Variants in PCDHGA8 observed in about 807,000 individuals in gnomAD.
PCDHGA8 encodes protocadherin gamma-A8.
A neutral mutation model predicts 59.2 loss-of-function variants in PCDHGA8; 45 were observed. The ratio of observed to expected loss-of-function variants is 0.76; its 90% confidence interval spans 0.60 to 0.98. The LOEUF (loss-of-function observed/expected upper bound fraction) is 0.98. Ranked by LOEUF, PCDHGA8 falls within the 50% of genes least tolerant of loss-of-function variation. PCDHGA8 has a pLI of 0.00. For synonymous variants in PCDHGA8, 531 were observed against 519.0 expected (o/e 1.02, Z -0.32); for missense variants, 1,257 against 1,196.2 (o/e 1.05, Z -0.75).
chr5:141,487,921 A>G lies in PCDHGA8; in HGVS notation c.2425-6886A>G, dbSNP rs17097340. On this transcript the variant is annotated intron_variant, in intron 1 of 3. Coordinates refer to ENST00000398604, the MANE Select transcript of PCDHGA8 (RefSeq NM_032088.2). This position sits in a 1 kb window ranked among gnomAD's most constrained non-coding sequence, Gnocchi z 5.0. ...GGAATGTGGGAGCACAGGAGGCTAC[A>G]GTGCACAGGGTACAGTGCACCAGGC... 0.15 allele frequency: 93,556 copies of G among 639,124 alleles called. 7,160 individuals carry two copies. The highest frequency in any genetic ancestry group is 0.21 in the African/African-American group (11,270 of 54,532). 39.6% of individuals were successfully genotyped at this position (639,124 alleles called of 1,614,324 possible).
rs141959335 is a variant in PCDHGA8, at chr5:141,491,261, T to C, written c.2425-3546T>C. On this transcript the variant is annotated intron_variant, in intron 1 of 3. Transcript: ENST00000398604. This position sits in a 1 kb window ranked among gnomAD's most constrained non-coding sequence, Gnocchi z 6.9. Reference sequence around the variant, plus strand: ...CTGGAGGATGAGGACCCTGAGGAAATGCCCAAATCCAGTGACTTCCTCATA... The same window carrying C: ...CTGGAGGATGAGGACCCTGAGGAAACGCCCAAATCCAGTGACTTCCTCATA... 104 of 1,614,044 alleles carry C rather than the reference T, an allele frequency of 6.4e-5. No individual in the cohort carries two copies. Among genetic ancestry groups the C allele is most frequent in the Non-Finnish European group, 8.1e-5 (95 of 1,180,028 alleles).
Position 141,392,710 on chromosome 5 carries a change from C to T in PCDHGA8, c.-104C>T. The T allele has an allele frequency of 7.4e-7, 1 of 1,345,380 alleles. No individual in the cohort carries two copies. The highest frequency in any genetic ancestry group is 9.8e-7 in the Non-Finnish European group (1 of 1,021,022). The allele number at this position is 1,345,380 out of a possible 1,614,324, so 83.3% of individuals were successfully genotyped here. A position where few individuals can be genotyped will look rare whatever the true frequency, so the allele number is the denominator to read the frequency against. On this transcript the variant is annotated 5_prime_UTR_variant, in exon 1 of 4. Transcript: ENST00000398604. ...AACCCGACCCCTGTTTGGAGGCACT[C>T]CAGGTTTCCGGAGGATTGTCATCTC... is the stretch of plus-strand genomic sequence containing the variant.
At chr5:141,453,786 A>G (rs2098774297) in intron 1 of PCDHGA8, among the ~76,000 whole-genome samples, 1 of 152,252 alleles carries the variant, frequency 6.6e-6, no homozygotes, top group Non-Finnish European at 1.5e-5. Flanking sequence ...TTACCATGGT[A>G]TATTAACTTT....
intron 2 of PCDHGA8, among the ~76,000 whole-genome samples, chr5:141,504,268 T>A (rs539485141): frequency 2.2e-4 from 34 of 152,348 alleles, no homozygotes; most frequent in Admixed American, 1.3e-3. Context: ...AGTATTTTTT[T>A]AAATTATGAA....
chr5:141,490,906 G>A lies in PCDHGA8; in HGVS notation c.2425-3901G>A, dbSNP rs2099705910. 1 of 1,613,798 alleles carries A rather than the reference G, an allele frequency of 6.2e-7. No individual in the cohort carries two copies. Among genetic ancestry groups the A allele is most frequent in the Non-Finnish European group, 8.5e-7 (1 of 1,179,808 alleles). ...CACATCTCTGCATGTGTTTGTCCTA[G>A]ACGAGAATGATAATGCCCCAGCTGT... On this transcript the variant is annotated intron_variant, in intron 1 of 3. Coordinates refer to ENST00000398604, the MANE Select transcript of PCDHGA8 (RefSeq NM_032088.2). The surrounding 1 kb of genome is among the most constrained non-coding windows in gnomAD (Gnocchi z 5.4).
In PCDHGA8 at chr5:141,393,617, C is replaced by A. The variant is rs746699091; in HGVS notation, c.804C>A (p.Asp268Glu). 4 of 1,613,770 alleles carry A rather than the reference C, an allele frequency of 2.5e-6. No individual in the cohort carries two copies. The highest frequency in any genetic ancestry group is 2.7e-5 in the African/African-American group (2 of 74,934). ...GTRLLTVTAS[D>E]PDEGINGKVA... ...GGCTGCTTACTGTAACAGCCAGCGA[C>A]CCGGATGAGGGAATCAACGGAAAAG... The change falls in exon 1 of 4, where the codon GAC becomes GAA. Residue 268 changes from aspartate (D) to glutamate (E), a missense_variant. Physicochemically the swap from Asp to Glu is conservative, Grantham distance 45 (BLOSUM62 2). Coordinates refer to ENST00000398604, the MANE Select transcript of PCDHGA8 (RefSeq NM_032088.2).
intron 1 of PCDHGA8, among the ~76,000 whole-genome samples, chr5:141,472,266 G>A (rs931951683): frequency 2.0e-5 from 3 of 152,198 alleles, no homozygotes. Flanking sequence ...TTATAGCCGG[G>A]CACAGTGGCT....
intron 1 of PCDHGA8, chr5:141,418,673 G>A (rs2096279740): frequency 5.0e-6 from 8 of 1,614,026 alleles, no homozygotes; most frequent in Non-Finnish European, 6.8e-6. Context: ...CCAGGACGAG[G>A]GCATCAACTC....
rs1251686604 is a variant in PCDHGA8 at position 141,485,257 on chromosome 5, T to C, written c.2425-9550T>C. ...TCTTTTACCACCTGGGTTACGTTTG[T>C]GGGCAGATCCGCTACCCGGTCCCAG... is the stretch of plus-strand genomic sequence containing the variant. On this transcript the variant is annotated intron_variant, in intron 1 of 3. Coordinates refer to ENST00000398604, the MANE Select transcript of PCDHGA8 (RefSeq NM_032088.2). This position sits in a 1 kb window ranked among gnomAD's most constrained non-coding sequence, Gnocchi z 5.7. The C allele has an allele frequency of 6.2e-7, 1 of 1,614,154 alleles. No homozygotes were observed.
chr5:141,413,207 C>CA lies in PCDHGA8; in HGVS notation c.2424+17973dup, dbSNP rs753988593. On this transcript the variant is annotated intron_variant, in intron 1 of 3. Transcript: ENST00000398604. The stretch of plus-strand genomic sequence containing the variant: ...GCTCAAAGGAATCGCTCAAAGGAAT[C>CA]AAAGGATTGCAGCGGGCTGGTCCTG... The CA allele has an allele frequency of 1.7e-5, 27 of 1,612,874 alleles. No homozygotes were observed. In the East Asian group the frequency reaches 6.0e-4, roughly 36 times the overall value.
intron 1 of PCDHGA8, among the ~76,000 whole-genome samples, chr5:141,458,512 TG>T (rs995261761): frequency 1.3e-5 from 2 of 150,194 alleles, no homozygotes; most frequent in East Asian, 1.9e-4. Flanking sequence ...TTTGACACTT[TG>T]TTTTTTTTTT....
rs1222364302 is a variant in PCDHGA8, at chr5:141,414,920, C to T, written c.2424+19683C>T. On this transcript the variant is annotated intron_variant, in intron 1 of 3. Coordinates refer to ENST00000398604, the MANE Select transcript of PCDHGA8 (RefSeq NM_032088.2). ...GACGGTTCCACAGGCGTGGAGCTGG[C>T]GCCCCGCTCCGCAGAGCCCGGCTAC... 2.5e-6 allele frequency: 4 copies of T among 1,614,146 alleles called. No individual in the cohort carries two copies. The South Asian group carries it at 3.3e-5, about 13-fold the overall frequency.
Position 141,487,272 on chromosome 5 carries a change from T to C in PCDHGA8, c.2425-7535T>C. 6.2e-7 allele frequency: 1 copy of C among 1,614,148 alleles called. No homozygotes were observed. The highest frequency in any genetic ancestry group is 8.5e-7 in the Non-Finnish European group (1 of 1,180,036). Reference sequence around the variant, plus strand: ...TACTTGGCTGTGTCCCTAGTGGCAATTTGCTTTGTCTCCTTTGGCTCATTC... The same window carrying C: ...TACTTGGCTGTGTCCCTAGTGGCAACTTGCTTTGTCTCCTTTGGCTCATTC... On this transcript the variant is annotated intron_variant, in intron 1 of 3. Coordinates refer to ENST00000398604, the MANE Select transcript of PCDHGA8 (RefSeq NM_032088.2). This position sits in a 1 kb window ranked among gnomAD's most constrained non-coding sequence, Gnocchi z 5.0.
chr5:141,401,000 C>T (rs113065470), intron 1 of PCDHGA8, among the ~76,000 whole-genome samples: 2 of 152,218 alleles, frequency 1.3e-5, no homozygotes, highest in Non-Finnish European at 2.9e-5. Flanking sequence ...CTTTCTTATT[C>T]CTACCTAATG....
At position 141,438,611 on chromosome 5, in the gene PCDHGA8, TATATATATATATATATATATATATACAC is replaced by T. The variant is rs1434670383; in HGVS notation, c.2424+43376_2424+43403del. On this transcript the variant is annotated intron_variant, in intron 1 of 3. Transcript: ENST00000398604. ...ACATACATATATATATATATATATA[TATATATATATATATATATATATATACAC>T]ACACACACACACATATATGTATATA... Among the ~76,000 whole-genome samples the T allele has an allele frequency of 2.7e-3, 107 of 39,370 alleles. 2 individuals are homozygous for T. Among genetic ancestry groups the T allele is most frequent in the Admixed American group, 0.019 (57 of 3,044 alleles). The allele number at this position is 39,370 out of a possible 152,430, so 25.8% of individuals were successfully genotyped here.
At chr5:141,429,169 T>TACACACACACACACACAC (rs10667977) in intron 1 of PCDHGA8, 2 of 145,394 alleles carry the variant, frequency 1.4e-5, no homozygotes, top group African/African-American at 5.1e-5. Flanking sequence ...ACATTGTTTA[T>TACACACACACACACACAC]ACACACACAC....
rs549455612 is a variant in PCDHGA8 at position 141,415,049 on chromosome 5, A to T, written c.2424+19812A>T. On this transcript the variant is annotated intron_variant, in intron 1 of 3. Transcript: ENST00000398604. Reference sequence around the variant, plus strand: ...GAGCCGGGACTCTTCGCGGTGGGGGAGCACACGGGCGAGGTGCGCACGGCG... The same window carrying T: ...GAGCCGGGACTCTTCGCGGTGGGGGTGCACACGGGCGAGGTGCGCACGGCG... 84 of 1,613,216 alleles carry T rather than the reference A, an allele frequency of 5.2e-5. 1 individual carries two copies. In the Admixed American group the frequency reaches 6.0e-4, roughly 12 times the overall value.
chr5:141,507,849 C>CA (rs2099864208), intron 3 of PCDHGA8, among the ~76,000 whole-genome samples: 1 of 152,222 alleles, frequency 6.6e-6, no homozygotes, highest in African/African-American at 2.4e-5. Flanking sequence ...GCCCTGCTCT[C>CA]ACTTTCACAC....
intron 1 of PCDHGA8, among the ~76,000 whole-genome samples, chr5:141,488,350 C>G (rs1191478919): frequency 6.6e-6 from 1 of 152,176 alleles, no homozygotes; most frequent in Non-Finnish European, 1.5e-5. Context: ...GAAACAGCCA[C>G]CCTGTGCATC....
Sources: gnomAD v4.1 joint callset for allele counts (sites outside exome capture counted in the v4.1 genomes callset) on GRCh38, gnomAD v4.1.1 for gene constraint, Gnocchi (gnomAD v3.1) non-coding constraint, MANE v1.5 for transcripts, NCBI Gene and HGNC (gene_info 2026-07-23, HGNC 2026-07-21) for gene names.